PPIG: variants seen among roughly 807,000 people sequenced by gnomAD.
PPIG encodes peptidyl-prolyl cis-trans isomerase G.
A neutral mutation model predicts 87.9 loss-of-function variants in PPIG; 26 were observed. The observed-to-expected ratio is 0.30, with a 90% CI of 0.22 to 0.41. The LOEUF (loss-of-function observed/expected upper bound fraction) is 0.41, where lower values mean the gene tolerates loss of function less well. Ranked by LOEUF, PPIG falls within the 10% of genes least tolerant of loss-of-function variation. The pLI is 1.00. For missense variants in PPIG, 722 were observed against 879.4 expected (o/e 0.82, Z 2.26); for synonymous variants, 308 against 276.5 (o/e 1.11, Z -1.13).
chr2:169,584,683 G>A, intron 1 of PPIG, 193 bp downstream of exon 1: 1 of 342,030 alleles, frequency 2.9e-6, no homozygotes. Context: ...TGCCTTTGCC[G>A]CTGTTGCAGA....
chr2:169,635,326 A>C (rs1338378268), intron 12 of PPIG, among the ~76,000 whole-genome samples: 1 of 152,162 alleles, frequency 6.6e-6, no homozygotes, highest in Non-Finnish European at 1.5e-5. Context: ...ATGTAGTACT[A>C]CTTTCCCTTG....
chr2:169,596,899 A>G (rs1685034984), intron 1 of PPIG, among the ~76,000 whole-genome samples: 1 of 152,092 alleles, frequency 6.6e-6, no homozygotes, highest in Admixed American at 6.5e-5. Context: ...ACAGGATTTC[A>G]CCATGTTGGC....
intron 1 of PPIG, among the ~76,000 whole-genome samples, chr2:169,592,622 T>C (rs1455462026): frequency 6.6e-6 from 1 of 151,956 alleles, no homozygotes; most frequent in Non-Finnish European, 1.5e-5. Context: ...TTTTTTCTAA[T>C]AGAGATGCGT....
Position 169,640,163 on chromosome 2 carries a change from T to C in PPIG, c.*2640T>C, listed in dbSNP as rs753023826. Reference sequence around the variant, plus strand: ...AACATTCTTTGATTAAATTACTACATAGTTGGTAAGTTCATAGTTTTAAGT... The same window carrying C: ...AACATTCTTTGATTAAATTACTACACAGTTGGTAAGTTCATAGTTTTAAGT... On this transcript the variant is annotated 3_prime_UTR_variant, in exon 14 of 14. Coordinates refer to ENST00000260970, the MANE Select transcript of PPIG (RefSeq NM_004792.3). The C allele has an allele frequency of 7.9e-5, 12 of 152,154 alleles. No individual in the cohort carries two copies. Among genetic ancestry groups the C allele is most frequent in the Non-Finnish European group, 1.2e-4 (8 of 68,026 alleles). 9.4% of individuals were successfully genotyped at this position (152,154 alleles called of 1,614,324 possible).
intron 9 of PPIG, among the ~76,000 whole-genome samples, chr2:169,617,236 A>G (rs764347048): frequency 1.3e-5 from 2 of 152,212 alleles, no homozygotes; most frequent in Non-Finnish European, 2.9e-5. Context: ...TTTTGGTACC[A>G]GTACCATGCT....
chr2:169,602,731 C>A (rs1685219038), intron 1 of PPIG, among the ~76,000 whole-genome samples: 1 of 152,150 alleles, frequency 6.6e-6, no homozygotes, highest in South Asian at 2.1e-4. Context: ...TAAAACTTTT[C>A]AGATGAATAG....
Position 169,630,978 on chromosome 2 carries a change from G to A in PPIG, c.752G>A (p.Ser251Asn). The change falls in exon 10 of 14, where the codon AGC (serine) becomes AAC (asparagine). Residue 251 changes from serine (S) to asparagine (N), a missense_variant. Ser to Asn is a conservative substitution (Grantham distance 46). Coordinates refer to ENST00000260970, the MANE Select transcript of PPIG (RefSeq NM_004792.3). ...HKKEKKKRKK[S>N]KKSASSESEA... is the part of the protein sequence containing the mutation. ...AAAGAAAAGAAAAAGCGAAAGAAAA[G>A]CAAGAAGAGGTCTTAATTTTACTTT... 6.3e-7 allele frequency: 1 copy of A among 1,589,690 alleles called. No homozygotes were observed.
At chr2:169,620,870 A>T (rs937507850) in intron 9 of PPIG, among the ~76,000 whole-genome samples, 1 of 152,144 alleles carries the variant, frequency 6.6e-6, no homozygotes, top group African/African-American at 2.4e-5. Context: ...GAAAGTAGTA[A>T]AACCTTAAAC....
rs1488810163 is a variant in PPIG at position 169,630,194 on chromosome 2, T to A, written c.548-580T>A. ...TACTGCTTCCTTAACTGAAATAAAATTTCAATTTAAAATGACTTTTTGTAG... is the reference window on the plus strand; with the variant it reads ...TACTGCTTCCTTAACTGAAATAAAAATTCAATTTAAAATGACTTTTTGTAG... On this transcript the variant is annotated intron_variant, in intron 9 of 13. Coordinates refer to ENST00000260970, the MANE Select transcript of PPIG (RefSeq NM_004792.3). Among the ~76,000 whole-genome samples, 4 of 152,094 alleles carry A rather than the reference T, an allele frequency of 2.6e-5. No individual in the cohort carries two copies. In the East Asian group the frequency reaches 7.7e-4, roughly 29 times the overall value.
chr2:169,631,124 C>A, intron 10 of PPIG, 137 bp downstream of exon 10: 1 of 806,688 alleles, frequency 1.2e-6, no homozygotes, highest in Non-Finnish European at 1.9e-6. Context: ...TTTGATATTC[C>A]ACAGTCTATA....
At chr2:169,594,468 T>C (rs951239339) in intron 1 of PPIG, among the ~76,000 whole-genome samples, 5 of 152,086 alleles carry the variant, frequency 3.3e-5, no homozygotes, top group Non-Finnish European at 7.4e-5. Flanking sequence ...AACATTATGG[T>C]GTAAATCCTG....
intron 1 of PPIG, among the ~76,000 whole-genome samples, chr2:169,599,237 C>T (rs574003472): frequency 1.3e-5 from 2 of 151,858 alleles, no homozygotes; most frequent in African/African-American, 2.4e-5. Flanking sequence ...AAAAATGTTA[C>T]GTTTGTAATT....
intron 9 of PPIG, among the ~76,000 whole-genome samples, chr2:169,626,090 TGTATATTG>T (rs1685879759): frequency 6.6e-6 from 1 of 152,218 alleles, no homozygotes. Flanking sequence ...ATGTTGACTA[TGTATATTG>T]GTATACTGTT....
intron 1 of PPIG, among the ~76,000 whole-genome samples, chr2:169,593,007 T>C (rs1312333622): frequency 1.3e-5 from 2 of 152,120 alleles, no homozygotes; most frequent in African/African-American, 4.8e-5. Context: ...CATATGTGAT[T>C]TGTCATTTCA....
chr2:169,596,981 C>T (rs548508664), intron 1 of PPIG, among the ~76,000 whole-genome samples: 3 of 152,170 alleles, frequency 2.0e-5, no homozygotes, highest in South Asian at 2.1e-4. Context: ...AGATTACAGG[C>T]GGGAGCCACC....
At position 169,637,689 on chromosome 2, in the gene PPIG, G is replaced by A; in HGVS notation, c.*166G>A. On this transcript the variant is annotated 3_prime_UTR_variant, in exon 14 of 14. Transcript: ENST00000260970. ...CATTGAGTTGATTTTTTGATAATCT[G>A]CAATCTGGATAATTTGTACTGCTAA... 1.5e-6 allele frequency: 1 copy of A among 683,324 alleles called. No homozygotes were observed. The highest frequency in any genetic ancestry group is 2.3e-6 in the Non-Finnish European group (1 of 440,848). 42.3% of individuals were successfully genotyped at this position (683,324 alleles called of 1,614,324 possible). A position where few individuals can be genotyped will look rare whatever the true frequency, so the allele number is the denominator to read the frequency against.
intron 4 of PPIG, among the ~76,000 whole-genome samples, chr2:169,605,514 A>G (rs1055300483): frequency 6.7e-6 from 1 of 150,368 alleles, no homozygotes; most frequent in African/African-American, 2.5e-5. Context: ...AATTAAAAAA[A>G]TAGAGGCCAA....
chr2:169,614,275 A>G (rs1285459857), intron 7 of PPIG, among the ~76,000 whole-genome samples, 189 bp from the exon 8 acceptor site: 1 of 152,218 alleles, frequency 6.6e-6, no homozygotes, highest in Non-Finnish European at 1.5e-5. Context: ...TGATAAATAC[A>G]TTATGTGGAA....
chr2:169,603,985 C>G, intron 2 of PPIG, 41 bp from the exon 3 acceptor site: 4 of 1,458,204 alleles, frequency 2.7e-6, no homozygotes, highest in Non-Finnish European at 3.8e-6. Context: ...AAGATCTTTG[C>G]TATTTTAGTC....
Sources: allele counts gnomAD v4.1 joint callset (sites outside exome capture counted in the v4.1 genomes callset), GRCh38; gene constraint gnomAD v4.1.1; transcripts MANE v1.5; gene names NCBI Gene and HGNC (gene_info 2026-07-23, HGNC 2026-07-21).